PRCP: variants seen among roughly 807,000 people sequenced by gnomAD.
PRCP encodes prolylcarboxypeptidase.
PRCP carries 46 observed loss-of-function variants against 54.2 expected under a neutral mutation model. The ratio of observed to expected loss-of-function variants is 0.85; its 90% CI spans 0.67 to 1.09. The LOEUF is 1.09. PRCP is among the 50% of genes least tolerant of loss of function. The pLI is 0.00. For missense variants in PRCP, 613 were observed against 596.8 expected, an observed-to-expected ratio of 1.03 and a Z score of -0.28; for synonymous variants, 240 against 212.2, an observed-to-expected ratio of 1.13 and a Z score of -1.14.
intron 1 of PRCP, among the ~76,000 whole-genome samples, chr11:82,864,808 T>C (rs535524001): frequency 6.1e-4 from 93 of 152,152 alleles, no homozygotes; most frequent in Non-Finnish European, 1.0e-3. Flanking sequence ...AATAGATCTG[T>C]GAGAATGGGT....
upstream of PRCP, chr11:82,900,445 G>A (rs778090587): frequency 2.5e-6 from 4 of 1,595,350 alleles, no homozygotes; most frequent in South Asian, 3.3e-5. Context: ...GGGCGAAAAG[G>A]AGGCCAGCAG....
At position 82,863,704 on chromosome 11, in the gene PRCP, A is replaced by C. The variant is rs188519597; in HGVS notation, c.169-3587T>G. ...GTATGTGTTTGTATATGTCATGCTA[A>C]ATATAACTGATATAAAGTTCTTGCC... On this transcript the variant is annotated intron_variant, in intron 1 of 8. Transcript: ENST00000313010. 4.8e-3 allele frequency among the ~76,000 whole-genome samples: 737 copies of C among 152,360 alleles called. 9 individuals are homozygous for C. The highest frequency in any genetic ancestry group is 0.033 in the Admixed American group (510 of 15,306).
intron 1 of PRCP, among the ~76,000 whole-genome samples, chr11:82,889,834 C>T (rs7106981): frequency 0.55 from 83,324 of 151,982 alleles, 23,687 homozygotes; most frequent in African/African-American, 0.7. Context: ...AATAAAGAGT[C>T]GCAGTTTCTG....
intron 1 of PRCP, among the ~76,000 whole-genome samples, chr11:82,899,588 A>T (rs1267356786): frequency 6.6e-6 from 1 of 152,234 alleles, no homozygotes; most frequent in Non-Finnish European, 1.5e-5. Context: ...GCACAAAGGC[A>T]TCAAGCCCAA....
intron 1 of PRCP, among the ~76,000 whole-genome samples, chr11:82,882,127 G>A (rs1859760377): frequency 6.6e-6 from 1 of 152,088 alleles, no homozygotes; most frequent in South Asian, 2.1e-4. Flanking sequence ...CTGAACAGGA[G>A]GAGGAGAAAG....
intron 1 of PRCP, among the ~76,000 whole-genome samples, chr11:82,887,081 T>C (rs939158682): frequency 3.9e-5 from 6 of 152,216 alleles, no homozygotes; most frequent in African/African-American, 7.2e-5. Flanking sequence ...CTTTCCTACC[T>C]TAGGATCTTG....
intron 8 of PRCP, chr11:82,830,330 T>G (rs568822707): frequency 6.6e-6 from 1 of 151,704 alleles, no homozygotes; most frequent in African/African-American, 2.4e-5. Context: ...TAATACAATC[T>G]AAAATTGCCT....
intron 1 of PRCP, among the ~76,000 whole-genome samples, chr11:82,866,776 C>G (rs1270929584): frequency 6.6e-6 from 1 of 151,596 alleles, no homozygotes; most frequent in Non-Finnish European, 1.5e-5. Context: ...GGCTGGAGTG[C>G]AGGGGCGTGA....
chr11:82,874,674 A>T (rs1003364277), intron 1 of PRCP, among the ~76,000 whole-genome samples: 4 of 150,912 alleles, frequency 2.7e-5, no homozygotes, highest in Non-Finnish European at 5.9e-5. Context: ...CTGGGCAACA[A>T]AGTGAGACCC....
At chr11:82,847,833 A>G (rs1328213770) in intron 6 of PRCP, among the ~76,000 whole-genome samples, 1 of 152,160 alleles carries the variant, frequency 6.6e-6, no homozygotes, top group African/African-American at 2.4e-5. Context: ...GCCTCAAGCA[A>G]TCCTCCCACC....
intron 8 of PRCP, among the ~76,000 whole-genome samples, 157 bp downstream of exon 8, chr11:82,838,230 C>T (rs1858571190): frequency 3.3e-5 from 5 of 152,132 alleles, no homozygotes; most frequent in African/African-American, 1.2e-4. Flanking sequence ...CCTATCTCTT[C>T]TCAGCATCCT....
chr11:82,876,636 C>T (rs1166443851), intron 1 of PRCP, among the ~76,000 whole-genome samples: 4 of 152,096 alleles, frequency 2.6e-5, no homozygotes, highest in Admixed American at 6.6e-5. Context: ...CAGGGGTTTC[C>T]GCTTTTGCTT....
At chr11:82,897,199 A>G (rs1031786501) in intron 1 of PRCP, among the ~76,000 whole-genome samples, 1 of 152,264 alleles carries the variant, frequency 6.6e-6, no homozygotes. Flanking sequence ...TTCAGGTAAA[A>G]GAAATCAAAT....
At chr11:82,874,402 A>G (rs1457377206) in intron 1 of PRCP, among the ~76,000 whole-genome samples, 1 of 152,178 alleles carries the variant, frequency 6.6e-6, no homozygotes. Context: ...CTAATTGTAC[A>G]AGTTTTACCT....
At chr11:82,879,244 T>C (rs1591067200) in intron 1 of PRCP, among the ~76,000 whole-genome samples, 2 of 152,224 alleles carry the variant, frequency 1.3e-5, no homozygotes, top group South Asian at 4.1e-4. Flanking sequence ...TTTTACTCTT[T>C]TTTCTCTAAA....
At position 82,825,134 on chromosome 11, in the gene PRCP, A is replaced by C; in HGVS notation, c.1275-12T>G. 6.3e-7 allele frequency: 1 copy of C among 1,597,740 alleles called. No homozygotes were observed. The highest frequency in any genetic ancestry group is 8.5e-7 in the Non-Finnish European group (1 of 1,170,500). The stretch of plus-strand genomic sequence containing the variant: ...CTAGTTCACCATTGCTGCAAGTGAA[A>C]AAAAGAAGAAAAAATAAAGTTGTTA... On this transcript the variant is annotated splice_polypyrimidine_tract_variant and intron_variant, in intron 8 of 8. Coordinates refer to ENST00000313010, the MANE Select transcript of PRCP (RefSeq NM_005040.4).
intron 1 of PRCP, among the ~76,000 whole-genome samples, chr11:82,879,831 G>C (rs191389380): frequency 6.6e-6 from 1 of 152,222 alleles, no homozygotes; most frequent in African/African-American, 2.4e-5. Context: ...GGTATCACCA[G>C]CGGAGGCTGC....
intron 1 of PRCP, chr11:82,884,930 G>C (rs777115494): frequency 1.0e-5 from 16 of 1,607,024 alleles, no homozygotes; most frequent in Middle Eastern, 1.7e-4. Flanking sequence ...TATTTTGAAA[G>C]GTTTTACTAG....
Position 82,824,705 on chromosome 11 carries a change from G to T in PRCP, c.*201C>A, listed in dbSNP as rs111487703. 9,982 of 574,678 alleles carry T rather than the reference G, an allele frequency of 0.017. 122 individuals are homozygous for T. The highest frequency in any genetic ancestry group is 0.023 in the Non-Finnish European group (7,490 of 326,572). 35.6% of individuals were successfully genotyped at this position (574,678 alleles called of 1,614,324 possible). A position where few individuals can be genotyped will look rare whatever the true frequency, so the allele number is the denominator to read the frequency against. On this transcript the variant is annotated 3_prime_UTR_variant, in exon 9 of 9. Transcript: ENST00000313010. ...TATCAAGAAGATTCTTCCTAGACGT[G>T]GTGCAAAGACAGTGAGAACCCAGGA...
Sources: allele counts gnomAD v4.1 joint callset (sites outside exome capture counted in the v4.1 genomes callset), GRCh38; gene constraint gnomAD v4.1.1; transcripts MANE v1.5; gene names NCBI Gene and HGNC (gene_info 2026-07-23, HGNC 2026-07-21).